Variants in GPHN observed in about 807,000 individuals in gnomAD.
GPHN encodes the protein gephyrin.
A neutral mutation model predicts 95.5 loss-of-function variants in GPHN; 17 were observed. That is an observed-to-expected ratio of 0.18 (90% CI 0.12 to 0.27). The LOEUF is 0.27. GPHN is among the 10% of genes least tolerant of loss of function. GPHN has a pLI of 1.00. For synonymous variants in GPHN, 320 were observed against 322.5 expected, an observed-to-expected ratio of 0.99 and a Z score of 0.08; for missense variants, 660 against 978.1, an observed-to-expected ratio of 0.67 and a Z score of 4.34.
chr14:67,031,374 C>A (rs2074188504), intron 10 of GPHN, among the ~76,000 whole-genome samples: 1 of 152,100 alleles, frequency 6.6e-6, no homozygotes, highest in African/African-American at 2.4e-5. Context: ...GCAACCTAAT[C>A]CCTTATCATC....
intron 5 of GPHN, among the ~76,000 whole-genome samples, chr14:66,914,459 C>T (rs549291344): frequency 3.9e-5 from 6 of 151,946 alleles, no homozygotes; most frequent in Admixed American, 6.6e-5. Context: ...TACAAAAATC[C>T]CAGAGCTATG....
the GPHN span, chr14:67,471,439 A>G: frequency 6.6e-6 from 1 of 152,268 alleles, no homozygotes; most frequent in African/African-American, 2.4e-5. Flanking sequence ...TTGCCCAGAG[A>G]GAACGGGGAA....
At chr14:67,473,193 G>A in the GPHN span, 1 of 592,432 alleles carries the variant, frequency 1.7e-6, no homozygotes, top group South Asian at 2.0e-5. This position sits in a 1 kb window ranked among gnomAD's most constrained non-coding sequence, Gnocchi z 6.5. Flanking sequence ...CGCGATCCAT[G>A]GACCCTTCCC....
At chr14:67,604,321 G>A in the GPHN span, among the ~76,000 whole-genome samples, 21 of 152,176 alleles carry the variant, frequency 1.4e-4, no homozygotes, top group African/African-American at 5.1e-4. Context: ...ATGAACAGAG[G>A]TTTTAATTTT....
intron 9 of GPHN, among the ~76,000 whole-genome samples, chr14:66,968,277 G>C (rs1047174852): frequency 2.0e-5 from 3 of 151,972 alleles, no homozygotes; most frequent in African/African-American, 7.2e-5. Context: ...CAAGTCTTGA[G>C]GGTAAAAGAA....
At chr14:67,089,139 T>TTTTTTTTTTTTTTTTTTTG in intron 12 of GPHN, 64 bp downstream of exon 12, 1 of 362,186 alleles carries the variant, frequency 2.8e-6, no homozygotes, top group Non-Finnish European at 4.0e-6. Flanking sequence ...TTTTCTTTTT[T>TTTTTTTTTTTTTTTTTTTG]TTTTTTTTTT....
At chr14:67,705,056 G>A in the GPHN span, among the ~76,000 whole-genome samples, 1 of 152,218 alleles carries the variant, frequency 6.6e-6, no homozygotes, top group African/African-American at 2.4e-5. Flanking sequence ...GGCTGTTGAG[G>A]CAGAAATAAA....
intron 11 of GPHN, among the ~76,000 whole-genome samples, chr14:67,071,504 G>A (rs568865190): frequency 3.0e-4 from 46 of 151,598 alleles, no homozygotes; most frequent in African/African-American, 8.5e-4. Context: ...GAGTGGGGAG[G>A]GATAACATTA....
chr14:67,309,464 T>C, the GPHN span, among the ~76,000 whole-genome samples: 1 of 152,310 alleles, frequency 6.6e-6, no homozygotes, highest in Admixed American at 6.5e-5. Context: ...CTCTTAATTT[T>C]AGGGTATATT....
chr14:67,598,957 G>T, the GPHN span, among the ~76,000 whole-genome samples: 2 of 151,922 alleles, frequency 1.3e-5, no homozygotes, highest in African/African-American at 4.8e-5. Context: ...TGATCCGCCC[G>T]CCTCAGCTTC....
At chr14:67,277,294 C>G in the GPHN span, among the ~76,000 whole-genome samples, 11 of 152,218 alleles carry the variant, frequency 7.2e-5, no homozygotes, top group Non-Finnish European at 1.2e-4. Flanking sequence ...ACAGAAAAAT[C>G]TACCAAAAAT....
At chr14:67,221,650 G>T in the GPHN span, 1 of 1,421,068 alleles carries the variant, frequency 7.0e-7, no homozygotes. Flanking sequence ...GCCTAGGTTT[G>T]CTAAACGTGT....
intron 9 of GPHN, among the ~76,000 whole-genome samples, chr14:67,008,535 T>A (rs1198419537): frequency 6.7e-6 from 1 of 150,340 alleles, no homozygotes; most frequent in Non-Finnish European, 1.5e-5. Context: ...CATCTTTTTT[T>A]AAAATTTATT....
chr14:66,532,724 G>A (rs1198188454), intron 1 of GPHN, among the ~76,000 whole-genome samples: 2 of 152,118 alleles, frequency 1.3e-5, no homozygotes, highest in African/African-American at 4.8e-5. Context: ...AGGAACATTG[G>A]ACCCAGGGTT....
At chr14:66,772,889 C>T (rs9323483) in intron 2 of GPHN, among the ~76,000 whole-genome samples, 48,566 of 151,850 alleles carry the variant, frequency 0.32, 12,183 homozygotes, top group African/African-American at 0.68. Context: ...ATACAGATAC[C>T]GTTTGCCCCA....
chr14:67,449,355 G>A, the GPHN span, among the ~76,000 whole-genome samples: 1 of 152,174 alleles, frequency 6.6e-6, no homozygotes, highest in African/African-American at 2.4e-5. Context: ...TGCCCTCTCA[G>A]AGCCCAGAAG....
At chr14:66,878,477 G>T (rs944047691) in intron 4 of GPHN, among the ~76,000 whole-genome samples, 8 of 151,968 alleles carry the variant, frequency 5.3e-5, no homozygotes, top group Non-Finnish European at 1.5e-5. Context: ...TCTGACAAAG[G>T]GCTAATATAC....
the GPHN span, chr14:67,578,046 G>A: frequency 6.2e-7 from 1 of 1,613,820 alleles, no homozygotes; most frequent in Non-Finnish European, 8.5e-7. The surrounding 1 kb of genome is among the most constrained non-coding windows in gnomAD (Gnocchi z 5.0). Flanking sequence ...TCATCAACGT[G>A]CCGGTGGAAG....
At chr14:66,515,019 A>G (rs892469544) in intron 1 of GPHN, among the ~76,000 whole-genome samples, 1 of 152,080 alleles carries the variant, frequency 6.6e-6, no homozygotes, top group Non-Finnish European at 1.5e-5. Flanking sequence ...AGATGGCAAT[A>G]TCTACTTTAC....
Sources: allele counts gnomAD v4.1 joint callset (sites outside exome capture counted in the v4.1 genomes callset), GRCh38; gene constraint gnomAD v4.1.1; non-coding constraint Gnocchi (gnomAD v3.1); transcripts MANE v1.5; gene names NCBI Gene and HGNC (gene_info 2026-07-23, HGNC 2026-07-21).